Variants in ZBTB20 observed in about 807,000 individuals in gnomAD.
ZBTB20 encodes the protein zinc finger and BTB domain containing 20.
In ZBTB20, 9 loss-of-function variants were observed where a neutral mutation model predicts 56.9. That is an observed-to-expected ratio of 0.16 (90% CI 0.10 to 0.28). The LOEUF is 0.28. ZBTB20 is among the 10% of genes least tolerant of loss of function. The pLI, the probability that ZBTB20 is intolerant of heterozygous loss-of-function variation, is 1.00. For synonymous variants in ZBTB20, 417 were observed against 420.7 expected, an observed-to-expected ratio of 0.99 and a Z score of 0.11; for missense variants, 655 against 1,003.0, an observed-to-expected ratio of 0.65 and a Z score of 4.69.
chr3:114,840,121 T>C (rs1244433587), intron 4 of ZBTB20, among the ~76,000 whole-genome samples: 1 of 152,230 alleles, frequency 6.6e-6, no homozygotes, highest in Non-Finnish European at 1.5e-5. Flanking sequence ...CTGGGGTTTC[T>C]CTATACTAAT....
At chr3:114,670,027 C>T (rs2061274341) in intron 6 of ZBTB20, among the ~76,000 whole-genome samples, 2 of 152,054 alleles carry the variant, frequency 1.3e-5, no homozygotes, top group African/African-American at 2.4e-5. Context: ...ATTATGAATA[C>T]AGCTAAAATT....
intron 2 of ZBTB20, among the ~76,000 whole-genome samples, chr3:115,034,990 T>C (rs1031663814): frequency 6.6e-6 from 1 of 152,022 alleles, no homozygotes; most frequent in Non-Finnish European, 1.5e-5. Flanking sequence ...TAAATAGTGA[T>C]TGGGAAAAGT....
At chr3:115,012,871 T>G (rs1330736495) in intron 2 of ZBTB20, among the ~76,000 whole-genome samples, 1 of 151,816 alleles carries the variant, frequency 6.6e-6, no homozygotes, top group East Asian at 1.9e-4. Context: ...AAGCACCTTT[T>G]CTGACCACAA....
At chr3:114,934,590 G>A (rs2076469612) in intron 3 of ZBTB20, among the ~76,000 whole-genome samples, 1 of 152,064 alleles carries the variant, frequency 6.6e-6, no homozygotes, top group Non-Finnish European at 1.5e-5. Context: ...TTTAGTGGAA[G>A]CTGCAGGCAA....
chr3:114,449,146 T>C (rs958273712), intron 7 of ZBTB20, among the ~76,000 whole-genome samples: 1 of 152,130 alleles, frequency 6.6e-6, no homozygotes, highest in African/African-American at 2.4e-5. Context: ...GAAAAACAGA[T>C]TAGAAAAGCA....
At chr3:114,460,143 G>T (rs1430556790) in intron 7 of ZBTB20, among the ~76,000 whole-genome samples, 2 of 152,030 alleles carry the variant, frequency 1.3e-5, no homozygotes, top group Non-Finnish European at 2.9e-5. Context: ...TTTGAAAGAT[G>T]GCTTTTATAC....
intron 5 of ZBTB20, among the ~76,000 whole-genome samples, chr3:114,695,065 T>A (rs2062923055): frequency 6.6e-6 from 1 of 152,098 alleles, no homozygotes; most frequent in Non-Finnish European, 1.5e-5. Flanking sequence ...GGTACTATTA[T>A]GTGCCAGACA....
chr3:115,015,153 T>C (rs2079893944), intron 2 of ZBTB20, among the ~76,000 whole-genome samples: 1 of 151,796 alleles, frequency 6.6e-6, no homozygotes. Context: ...GTAAGTTTGA[T>C]TGGAATGTGA....
rs533813772 is a variant in ZBTB20 at position 114,400,022 on chromosome 3, G to T, written c.-254-10917C>A. ...GCAGTTTAAGCGGGCTAGCTAATGA[G>T]TAGTAGAACTTAATCTAAAACCAAG... On this transcript the variant is annotated intron_variant, in intron 7 of 11. Transcript: ENST00000675478. 2.8e-4 allele frequency among the ~76,000 whole-genome samples: 42 copies of T among 152,204 alleles called. No individual in the cohort carries two copies. In the South Asian group the frequency reaches 7.7e-3, roughly 28 times the overall value.
chr3:114,854,895 C>T (rs1375088345), intron 4 of ZBTB20, among the ~76,000 whole-genome samples: 2 of 152,182 alleles, frequency 1.3e-5, no homozygotes, highest in East Asian at 3.8e-4. Flanking sequence ...ACTCTAGCTT[C>T]CTTAAAATCT....
chr3:114,888,408 C>T (rs1299564382), intron 4 of ZBTB20, among the ~76,000 whole-genome samples: 1 of 151,932 alleles, frequency 6.6e-6, no homozygotes, highest in Non-Finnish European at 1.5e-5. Context: ...AAAGTGAGGC[C>T]TTTATATTTT....
At chr3:114,566,168 T>C (rs756361984) in intron 6 of ZBTB20, among the ~76,000 whole-genome samples, 43 of 152,228 alleles carry the variant, frequency 2.8e-4, no homozygotes, top group Admixed American at 4.6e-4. Context: ...TGTAAATCAT[T>C]CTTAACAAGC....
chr3:114,434,534 CA>C (rs1173189723), intron 7 of ZBTB20, among the ~76,000 whole-genome samples: 1 of 62,254 alleles, frequency 1.6e-5, no homozygotes, highest in African/African-American at 5.8e-5. Flanking sequence ...TAGCCTTCTG[CA>C]ATTGGGGTGT....
At chr3:114,405,961 A>G (rs1236342662) in intron 7 of ZBTB20, among the ~76,000 whole-genome samples, 12 of 151,824 alleles carry the variant, frequency 7.9e-5, no homozygotes. Flanking sequence ...ACAGCTTTTT[A>G]TCTTAACTCA....
intron 7 of ZBTB20, among the ~76,000 whole-genome samples, chr3:114,469,860 A>G (rs2039921614): frequency 6.6e-6 from 1 of 152,182 alleles, no homozygotes; most frequent in Non-Finnish European, 1.5e-5. Flanking sequence ...TGGAAATATC[A>G]TAATTTTAAA....
At chr3:114,825,623 A>G (rs560172915) in intron 4 of ZBTB20, among the ~76,000 whole-genome samples, 1 of 151,970 alleles carries the variant, frequency 6.6e-6, no homozygotes, top group South Asian at 2.1e-4. Flanking sequence ...CTATAGCATC[A>G]TCGCAAAGCG....
At chr3:114,453,543 T>C (rs1479782858) in intron 7 of ZBTB20, 1 of 152,148 alleles carries the variant, frequency 6.6e-6, no homozygotes, top group Non-Finnish European at 1.5e-5. Flanking sequence ...ACCAAATTGA[T>C]TATTTGATGG....
chr3:114,441,299 C>T (rs1695987594), intron 7 of ZBTB20, among the ~76,000 whole-genome samples: 1 of 152,076 alleles, frequency 6.6e-6, no homozygotes, highest in African/African-American at 2.4e-5. Context: ...TAGAATGTAA[C>T]ATTGCTGACA....
intron 2 of ZBTB20, among the ~76,000 whole-genome samples, chr3:115,033,418 T>A (rs145736549): frequency 0.015 from 2,313 of 151,694 alleles, 33 homozygotes; most frequent in South Asian, 0.05. Flanking sequence ...ACTTCACTGG[T>A]GAGTTCTACC....
Sources: gnomAD v4.1 joint callset for allele counts (sites outside exome capture counted in the v4.1 genomes callset) on GRCh38, gnomAD v4.1.1 for gene constraint, MANE v1.5 for transcripts, NCBI Gene and HGNC (gene_info 2026-07-23, HGNC 2026-07-21) for gene names.